CAMK1D: variants seen among roughly 807,000 people sequenced by gnomAD.
The protein encoded by CAMK1D is calcium/calmodulin dependent protein kinase ID.
CAMK1D carries 9 observed loss-of-function variants against 47.7 expected under a neutral mutation model. The observed-to-expected ratio is 0.19, with a 90% confidence interval of 0.11 to 0.33. CAMK1D has a LOEUF of 0.33. Ranked by LOEUF, CAMK1D falls within the 10% of genes least tolerant of loss-of-function variation. CAMK1D has a pLI of 1.00. For missense variants in CAMK1D, 291 were observed against 488.7 expected, an observed-to-expected ratio of 0.60 and a Z score of 3.81; for synonymous variants, 184 against 184.9, an observed-to-expected ratio of 0.99 and a Z score of 0.04.
At chr10:12,744,447 A>G (rs1424997795) in intron 3 of CAMK1D, among the ~76,000 whole-genome samples, 1 of 149,928 alleles carries the variant, frequency 6.7e-6, no homozygotes, top group Non-Finnish European at 1.5e-5. Context: ...TCCACCAGCA[A>G]TGGGTGAGGT....
intron 2 of CAMK1D, among the ~76,000 whole-genome samples, chr10:12,593,459 G>C (rs1838055182): frequency 6.6e-6 from 1 of 152,088 alleles, no homozygotes. Flanking sequence ...GCATGGTGGT[G>C]GGCACCTGTA....
intron 3 of CAMK1D, among the ~76,000 whole-genome samples, chr10:12,703,585 T>C (rs1317004947): frequency 3.9e-5 from 6 of 152,004 alleles, no homozygotes; most frequent in South Asian, 2.1e-4. Flanking sequence ...CAAATTTGAG[T>C]GGGCCGGGCG....
chr10:12,506,574 A>G (rs1588566055), intron 1 of CAMK1D, among the ~76,000 whole-genome samples: 1 of 151,738 alleles, frequency 6.6e-6, no homozygotes, highest in South Asian at 2.1e-4. Context: ...TCTGAAGTGC[A>G]GTGGCACGAT....
intron 3 of CAMK1D, among the ~76,000 whole-genome samples, chr10:12,678,422 G>A (rs1840883500): frequency 6.6e-6 from 1 of 152,200 alleles, no homozygotes; most frequent in African/African-American, 2.4e-5. Context: ...CTACCCTGGA[G>A]AATATTCCAC....
At chr10:12,494,265 A>G (rs2132126223) in intron 1 of CAMK1D, among the ~76,000 whole-genome samples, 1 of 152,360 alleles carries the variant, frequency 6.6e-6, no homozygotes, top group African/African-American at 2.4e-5. Flanking sequence ...GAGCCAGATT[A>G]TCTGTGGTGG....
At chr10:12,408,893 G>A (rs567540220) in intron 1 of CAMK1D, among the ~76,000 whole-genome samples, 2 of 128,170 alleles carry the variant, frequency 1.6e-5, no homozygotes, top group African/African-American at 6.0e-5. Flanking sequence ...TCTTTCTGTC[G>A]CCCAGGCTGG....
At chr10:12,553,463 A>T (rs1836656786) in intron 2 of CAMK1D, 107 bp downstream of exon 2, 2 of 851,370 alleles carry the variant, frequency 2.3e-6, no homozygotes, top group African/African-American at 3.4e-5. Flanking sequence ...AGGGGCCCCC[A>T]GAGGACCCAG....
chr10:12,615,615 C>T (rs768381195), intron 2 of CAMK1D, among the ~76,000 whole-genome samples: 27 of 144,784 alleles, frequency 1.9e-4, no homozygotes, highest in Admixed American at 2.7e-4. Context: ...AGTATGTATA[C>T]GTATGTGTAG....
intron 2 of CAMK1D, among the ~76,000 whole-genome samples, chr10:12,620,179 T>A: frequency 1.5e-5 from 1 of 68,498 alleles, no homozygotes. Flanking sequence ...AGAGCGAGAC[T>A]CCGTCTCAAA....
chr10:12,703,348 C>T (rs868798788), intron 3 of CAMK1D, among the ~76,000 whole-genome samples: 3 of 152,136 alleles, frequency 2.0e-5, no homozygotes, highest in Admixed American at 6.5e-5. Flanking sequence ...GCCATTTCAC[C>T]GAGTGCTGTG....
chr10:12,773,844 A>G (rs1837152983), intron 5 of CAMK1D, among the ~76,000 whole-genome samples: 1 of 152,204 alleles, frequency 6.6e-6, no homozygotes. Flanking sequence ...GGTTGCAGTG[A>G]GCTGAGATTG....
rs778086558 is a variant in CAMK1D, at chr10:12,709,323, A to AT, written c.299+42526dup. On this transcript the variant is annotated intron_variant, in intron 3 of 10. Coordinates refer to ENST00000619168, the MANE Select transcript of CAMK1D (RefSeq NM_153498.4). ...GGAGTGCTAAGGCCGTGGTTGGAGG[A>AT]TTTTTTTTTTTTTCTTGGTAAAGGG... 1.8e-3 allele frequency among the ~76,000 whole-genome samples: 265 copies of AT among 146,486 alleles called. 1 individual carries two copies. The East Asian group carries it at 0.022, about 12-fold the overall frequency.
intron 3 of CAMK1D, among the ~76,000 whole-genome samples, chr10:12,747,617 T>C (rs1835746810): frequency 6.6e-6 from 1 of 152,292 alleles, no homozygotes; most frequent in African/African-American, 2.4e-5. Context: ...CATGAGCCAC[T>C]GCACCTCTCC....
intron 2 of CAMK1D, among the ~76,000 whole-genome samples, chr10:12,603,058 G>A (rs1485954898): frequency 4.0e-5 from 6 of 151,838 alleles, no homozygotes; most frequent in African/African-American, 9.7e-5. Flanking sequence ...TTACAGGCAC[G>A]CGTCACTGCA....
At chr10:12,765,676 G>A (rs921166519) in intron 4 of CAMK1D, among the ~76,000 whole-genome samples, 2 of 152,216 alleles carry the variant, frequency 1.3e-5, no homozygotes, top group African/African-American at 4.8e-5. Context: ...AGGAAATCAA[G>A]GATGCAGACA....
intron 1 of CAMK1D, among the ~76,000 whole-genome samples, chr10:12,484,665 G>A (rs1834159133): frequency 2.0e-5 from 3 of 152,188 alleles, no homozygotes; most frequent in Non-Finnish European, 2.9e-5. Context: ...AAGCGATGAC[G>A]TCCCCTGGCC....
chr10:12,620,029 A>G (rs905560280), intron 2 of CAMK1D, among the ~76,000 whole-genome samples: 3 of 152,006 alleles, frequency 2.0e-5, no homozygotes, highest in Admixed American at 6.6e-5. Flanking sequence ...TAGTTGTTCT[A>G]TTTGATAACT....
intron 1 of CAMK1D, among the ~76,000 whole-genome samples, chr10:12,500,923 C>T (rs1339465644): frequency 6.6e-6 from 1 of 152,222 alleles, no homozygotes; most frequent in Admixed American, 6.5e-5. Flanking sequence ...TGCTTCAGTG[C>T]AGCCTCACAA....
chr10:12,751,051 A>ATAAG (rs1835924408), intron 3 of CAMK1D, among the ~76,000 whole-genome samples: 1 of 136,340 alleles, frequency 7.3e-6, no homozygotes, highest in East Asian at 2.2e-4. Flanking sequence ...CGTCTCCCCC[A>ATAAG]ATAAGATAAG....
Sources: gnomAD v4.1 joint callset for allele counts (sites outside exome capture counted in the v4.1 genomes callset) on GRCh38, gnomAD v4.1.1 for gene constraint, MANE v1.5 for transcripts, NCBI Gene and HGNC (gene_info 2026-07-23, HGNC 2026-07-21) for gene names.